VPS54: variants seen among roughly 807,000 people sequenced by gnomAD.
VPS54 encodes the protein vacuolar protein sorting-associated protein 54.
VPS54 carries 45 observed loss-of-function variants against 121.5 expected under a neutral mutation model. The ratio of observed to expected loss-of-function variants is 0.37; its 90% CI spans 0.29 to 0.47. VPS54 has a LOEUF of 0.47. Ranked by LOEUF, VPS54 falls within the 20% of genes least tolerant of loss-of-function variation. The pLI is 0.99. For missense variants in VPS54, 1,090 were observed against 1,131.4 expected (o/e 0.96, Z 0.52); for synonymous variants, 371 against 385.8 (o/e 0.96, Z 0.45).
In VPS54 at chr2:63,983,962, C is replaced by T; in HGVS notation, c.38G>A (p.Gly13Glu). 1 of 1,613,502 alleles carries T rather than the reference C, an allele frequency of 6.2e-7. No homozygotes were observed. The highest frequency in any genetic ancestry group is 2.2e-5 in the East Asian group (1 of 44,878). Residue 13 changes from glycine to glutamate, a missense_variant, in exon 2 of 23, where the codon GGA (glycine) becomes GAA (glutamate). By Grantham distance (98) the Gly-to-Glu change is moderately conservative. Around this residue, in one of 2 missense-constraint regions of VPS54, gnomAD observed 801 missense variants for 757.0 expected, o/e 1.06. Coordinates refer to ENST00000272322, the MANE Select transcript of VPS54 (RefSeq NM_016516.3). ...TTTAAAGAAAACATCACTGCTGCTT[C>T]CTTGAGGCACTGGTGAAGAACTGTG... ...SSHSSSPVPQ[G>E]SSSDVFFKIE...
In VPS54 at chr2:63,962,423, A is replaced by C; in HGVS notation, c.645T>G (p.Ile215Met). The C allele has an allele frequency of 6.2e-7, 1 of 1,612,156 alleles. No individual in the cohort carries two copies. Among genetic ancestry groups the C allele is most frequent in the Non-Finnish European group, 8.5e-7 (1 of 1,178,876 alleles). The change falls in exon 7 of 23, where the codon ATT becomes ATG. Residue 215 changes from isoleucine (I) to methionine (M), a missense_variant. Ile to Met is a conservative substitution (Grantham distance 10). Around this residue, in one of 2 missense-constraint regions of VPS54, gnomAD observed 801 missense variants for 757.0 expected, o/e 1.06. Coordinates refer to ENST00000272322, the MANE Select transcript of VPS54 (RefSeq NM_016516.3). The stretch of plus-strand genomic sequence containing the variant: ...TCTGGTGAGCAATGTTTACTTCCAC[A>C]ATATCCAGATAATGGCTCAGCTTAA... ...LQEKLSHYLD[I>M]VEVNIAHQIS... is the part of the protein sequence containing the mutation.
In VPS54 at chr2:63,920,578, C is replaced by G; in HGVS notation, c.1919G>C (p.Arg640Thr). 1.3e-6 allele frequency: 2 copies of G among 1,564,230 alleles called. No individual in the cohort carries two copies. Among genetic ancestry groups the G allele is most frequent in the South Asian group, 2.4e-5 (2 of 83,216 alleles). The change falls in exon 14 of 23, where the codon AGA becomes ACA. Residue 640 changes from arginine (R) to threonine (T), a missense_variant. Transcript: ENST00000272322. ...GTCTAAAATGAATGTTTCCATTAATCTAGAAAGTGTTATGAATTCCATGGA... is the reference window on the plus strand; with the variant it reads ...GTCTAAAATGAATGTTTCCATTAATGTAGAAAGTGTTATGAATTCCATGGA... ...LNSMEFITLS[R>T]LMETFILDTE...
chr2:63,979,241 GTT>G (rs768489534), intron 3 of VPS54, among the ~76,000 whole-genome samples: 9 of 123,586 alleles, frequency 7.3e-5, no homozygotes, highest in Non-Finnish European at 8.4e-5. Flanking sequence ...TTTTCTGTTT[GTT>G]TTTTTTTTTT....
chr2:63,917,073 A>T, intron 15 of VPS54, 110 bp from the exon 16 acceptor site: 1 of 1,014,000 alleles, frequency 9.9e-7, no homozygotes, highest in Non-Finnish European at 1.5e-6. Context: ...CATTTCTGAA[A>T]ATAAACATCT....
chr2:63,938,931 AGG>A (rs1163767399), intron 11 of VPS54, among the ~76,000 whole-genome samples: 1 of 152,114 alleles, frequency 6.6e-6, no homozygotes, highest in Non-Finnish European at 1.5e-5. Context: ...ATGACCAAAA[AGG>A]AAGAAAAAAT....
intron 1 of VPS54, among the ~76,000 whole-genome samples, chr2:63,993,229 C>G (rs1472758365): frequency 6.6e-6 from 1 of 152,148 alleles, no homozygotes; most frequent in Non-Finnish European, 1.5e-5. Flanking sequence ...TAAATGACTT[C>G]CAAAAACTTT....
intron 1 of VPS54, among the ~76,000 whole-genome samples, chr2:63,990,461 C>T (rs750014364): frequency 3.9e-5 from 6 of 152,140 alleles, no homozygotes; most frequent in African/African-American, 7.2e-5. Flanking sequence ...TTCAGCCCCT[C>T]ACTCTCCTGT....
chr2:63,989,332 T>C (rs879769376), intron 1 of VPS54, among the ~76,000 whole-genome samples: 1 of 152,192 alleles, frequency 6.6e-6, no homozygotes, highest in African/African-American at 2.4e-5. Flanking sequence ...TCTATTCGTA[T>C]ACTCCCTCTT....
At chr2:63,969,801 C>T (rs1281882977) in intron 4 of VPS54, among the ~76,000 whole-genome samples, 2 of 152,044 alleles carry the variant, frequency 1.3e-5, no homozygotes, top group African/African-American at 4.8e-5. Flanking sequence ...TTTGGTAAGA[C>T]TGAATATGGC....
At chr2:64,002,714 C>T in intron 1 of VPS54, among the ~76,000 whole-genome samples, 2 of 152,196 alleles carry the variant, frequency 1.3e-5, no homozygotes, top group East Asian at 3.8e-4. Flanking sequence ...ATGGTTTACT[C>T]TTTAAAGATT....
At chr2:64,017,540 C>A (rs918025744) in intron 1 of VPS54, among the ~76,000 whole-genome samples, 6 of 152,096 alleles carry the variant, frequency 3.9e-5, no homozygotes, top group African/African-American at 1.4e-4. Flanking sequence ...GTATTAAATT[C>A]TAATTTCAAA....
rs1308424199 is a variant in VPS54 at position 63,947,470 on chromosome 2, T to C, written c.1158A>G (p.Val386=). ...VLEEERLISL[V]FGLLKQRKLN... is the part of the protein sequence containing the mutation. ...GCTTTCTTTGTTTTAAAAGTCCAAATACAAGAGATATTAGTCTTTCCTGTT... is the reference window on the plus strand; with the variant it reads ...GCTTTCTTTGTTTTAAAAGTCCAAACACAAGAGATATTAGTCTTTCCTGTT... Residue 386 remains valine (V), a synonymous_variant, in exon 9 of 23, where the codon GTA becomes GTG. Coordinates refer to ENST00000272322, the MANE Select transcript of VPS54 (RefSeq NM_016516.3). 4 of 1,525,496 alleles carry C rather than the reference T, an allele frequency of 2.6e-6. No homozygotes were observed. The highest frequency in any genetic ancestry group is 3.6e-6 in the Non-Finnish European group (4 of 1,117,452). 94.5% of individuals were successfully genotyped at this position (1,525,496 alleles called of 1,614,324 possible).
chr2:64,001,612 T>G (rs555805002), intron 1 of VPS54, among the ~76,000 whole-genome samples: 7 of 152,204 alleles, frequency 4.6e-5, no homozygotes, highest in Admixed American at 2.0e-4. Flanking sequence ...GGTCCCTCCC[T>G]TCAAGGCAAC....
intron 7 of VPS54, among the ~76,000 whole-genome samples, chr2:63,954,581 G>C (rs1412288858): frequency 6.6e-6 from 1 of 152,074 alleles, no homozygotes; most frequent in Non-Finnish European, 1.5e-5. Context: ...GATAGAATTA[G>C]AGTATCATAA....
At chr2:63,970,926 C>A (rs1254158567) in intron 4 of VPS54, among the ~76,000 whole-genome samples, 2 of 152,050 alleles carry the variant, frequency 1.3e-5, no homozygotes, top group African/African-American at 4.8e-5. Flanking sequence ...GTCTACCATA[C>A]CTACATCTTC....
chr2:64,007,348 A>G (rs1007598901), intron 1 of VPS54, among the ~76,000 whole-genome samples: 1 of 152,220 alleles, frequency 6.6e-6, no homozygotes, highest in Admixed American at 6.5e-5. Flanking sequence ...AAGACATCTG[A>G]GCATAGGTCA....
chr2:63,919,339 C>T (rs1372363302), intron 15 of VPS54, among the ~76,000 whole-genome samples: 1 of 151,856 alleles, frequency 6.6e-6, no homozygotes, highest in East Asian at 1.9e-4. Flanking sequence ...CTTGTGATTG[C>T]TTATGTATTT....
At chr2:64,007,869 AAGG>A (rs1182230828) in intron 1 of VPS54, among the ~76,000 whole-genome samples, 2 of 152,204 alleles carry the variant, frequency 1.3e-5, no homozygotes, top group Admixed American at 6.5e-5. Context: ...CAAAGAGATC[AAGG>A]AGATTACTAA....
chr2:64,017,049 G>C (rs1484006532), intron 1 of VPS54, among the ~76,000 whole-genome samples: 1 of 142,684 alleles, frequency 7.0e-6, no homozygotes, highest in African/African-American at 2.7e-5. Flanking sequence ...AAAAAAGAGT[G>C]TGATGGGCCG....
Sources: gnomAD v4.1 joint callset for allele counts (sites outside exome capture counted in the v4.1 genomes callset) on GRCh38, gnomAD v4.1.1 for gene constraint, gnomAD v4.1.1 regional missense constraint, MANE v1.5 for transcripts, NCBI Gene and HGNC (gene_info 2026-07-23, HGNC 2026-07-21) for gene names.